Variants in LDLRAD3 observed in about 807,000 individuals in gnomAD.
LDLRAD3 encodes the protein low-density lipoprotein receptor class A domain-containing protein 3.
Under a neutral mutation model 29.4 loss-of-function variants are expected in LDLRAD3, and 20 were observed. The ratio of observed to expected loss-of-function variants is 0.68; its 90% confidence interval spans 0.48 to 0.99. The LOEUF is 0.99. LDLRAD3 is among the 50% of genes least tolerant of loss of function. LDLRAD3 has a pLI of 0.00. For synonymous variants in LDLRAD3, 157 were observed against 192.7 expected (o/e 0.81, Z 1.53); for missense variants, 420 against 454.3 (o/e 0.92, Z 0.69).
chr11:35,973,074 G>A (rs1038525704), intron 1 of LDLRAD3, among the ~76,000 whole-genome samples: 1 of 146,018 alleles, frequency 6.8e-6, no homozygotes, highest in Non-Finnish European at 1.5e-5. Flanking sequence ...AAAAAAAAAA[G>A]GGAGCACATA....
At chr11:35,978,751 G>A (rs1379894075) in intron 1 of LDLRAD3, among the ~76,000 whole-genome samples, 1 of 152,172 alleles carries the variant, frequency 6.6e-6, no homozygotes, top group Non-Finnish European at 1.5e-5. Context: ...TCAGCTCAAT[G>A]AAACATTAAA....
chr11:36,082,145 C>T lies in LDLRAD3; in HGVS notation c.319+367C>T, dbSNP rs573479697. On this transcript the variant is annotated intron_variant, in intron 3 of 5. Coordinates refer to ENST00000315571, the MANE Select transcript of LDLRAD3 (RefSeq NM_174902.4). ...AGAGCCATTTCTAGGTTCATTCAGACCCTCATCTGACTGATACAACACTTA... is the reference window on the plus strand; with the variant it reads ...AGAGCCATTTCTAGGTTCATTCAGATCCTCATCTGACTGATACAACACTTA... Among the ~76,000 whole-genome samples the T allele has an allele frequency of 1.2e-4, 19 of 152,312 alleles. No individual in the cohort carries two copies. The South Asian group carries it at 3.9e-3, about 32-fold the overall frequency.
chr11:35,993,997 T>C (rs1182949498), intron 1 of LDLRAD3, among the ~76,000 whole-genome samples: 1 of 152,094 alleles, frequency 6.6e-6, no homozygotes, highest in East Asian at 1.9e-4. Flanking sequence ...CTCCCACCCC[T>C]AAGGAATTCA....
At chr11:35,948,873 G>A (rs1424320604) in intron 1 of LDLRAD3, among the ~76,000 whole-genome samples, 5 of 152,118 alleles carry the variant, frequency 3.3e-5, no homozygotes, top group Non-Finnish European at 5.9e-5. Context: ...AGTTCTTGAT[G>A]CCTGTATTGG....
intron 4 of LDLRAD3, among the ~76,000 whole-genome samples, chr11:36,218,928 A>G (rs926000216): frequency 6.6e-6 from 1 of 152,246 alleles, no homozygotes; most frequent in Non-Finnish European, 1.5e-5. Flanking sequence ...AGCCAAGGAA[A>G]GATGCCCACA....
chr11:36,070,715 G>T (rs1165628803), intron 2 of LDLRAD3, among the ~76,000 whole-genome samples: 2 of 152,146 alleles, frequency 1.3e-5, no homozygotes, highest in Non-Finnish European at 2.9e-5. Context: ...ATTCCCCTAG[G>T]GGAGAGACTC....
intron 4 of LDLRAD3, among the ~76,000 whole-genome samples, chr11:36,144,897 T>G (rs1345017634): frequency 6.8e-5 from 5 of 73,360 alleles, no homozygotes; most frequent in Admixed American, 1.4e-4. Context: ...GTCCGGGAGG[T>G]GAGGGGCGCC....
intron 4 of LDLRAD3, among the ~76,000 whole-genome samples, chr11:36,151,879 A>T (rs1854283405): frequency 6.6e-6 from 1 of 152,180 alleles, no homozygotes; most frequent in African/African-American, 2.4e-5. Flanking sequence ...ACTACAAGGA[A>T]ATGCTAGATC....
chr11:35,991,450 G>A (rs1440184207), intron 1 of LDLRAD3, among the ~76,000 whole-genome samples: 1 of 151,940 alleles, frequency 6.6e-6, no homozygotes, highest in Admixed American at 6.6e-5. Context: ...AATTAATTGC[G>A]GCCAGCCAGG....
At chr11:36,080,938 G>T (rs1385469791) in intron 2 of LDLRAD3, among the ~76,000 whole-genome samples, 1 of 152,124 alleles carries the variant, frequency 6.6e-6, no homozygotes, top group Non-Finnish European at 1.5e-5. Flanking sequence ...GATCACGTAG[G>T]CACCCTCTGT....
In LDLRAD3 at chr11:36,227,311, C is replaced by T; in HGVS notation, c.681C>T (p.His227=). 6.2e-7 allele frequency: 1 copy of T among 1,614,158 alleles called. No homozygotes were observed. The highest frequency in any genetic ancestry group is 1.1e-5 in the South Asian group (1 of 91,078). The part of the protein sequence containing the change: ...LSRLVVLDHP[H]HCNVTYNVNN... ...GCCTGGTGGTCCTGGACCACCCCCACCACTGCAACGTCACCTACAACGTCA... is the reference window on the plus strand; with the variant it reads ...GCCTGGTGGTCCTGGACCACCCCCATCACTGCAACGTCACCTACAACGTCA... The change falls in exon 5 of 6, where the codon CAC becomes CAT. Residue 227 remains histidine (H), a synonymous_variant. Transcript: ENST00000315571.
chr11:36,127,949 C>T (rs1490103930), intron 4 of LDLRAD3, among the ~76,000 whole-genome samples: 1 of 151,594 alleles, frequency 6.6e-6, no homozygotes, highest in Non-Finnish European at 1.5e-5. Context: ...TAATGCCCTT[C>T]CAAAGATATA....
chr11:36,020,648 A>G (rs908979604), intron 1 of LDLRAD3, among the ~76,000 whole-genome samples: 2 of 152,152 alleles, frequency 1.3e-5, no homozygotes, highest in East Asian at 3.8e-4. Flanking sequence ...ATTATGGTAA[A>G]TGAAGAGATA....
At chr11:36,013,310 T>C (rs910151603) in intron 1 of LDLRAD3, among the ~76,000 whole-genome samples, 3 of 152,190 alleles carry the variant, frequency 2.0e-5, no homozygotes, top group Non-Finnish European at 4.4e-5. Context: ...TTTTTTTTAC[T>C]TTAAGTTCCG....
chr11:36,215,086 G>T (rs1308758614), intron 4 of LDLRAD3, among the ~76,000 whole-genome samples: 1 of 152,182 alleles, frequency 6.6e-6, no homozygotes, highest in Non-Finnish European at 1.5e-5. Context: ...GTAGAGTCTT[G>T]AATGGAATTG....
intron 1 of LDLRAD3, among the ~76,000 whole-genome samples, chr11:36,016,311 C>G (rs1421194550): frequency 6.6e-6 from 1 of 152,196 alleles, no homozygotes. Context: ...CCAAGTGATT[C>G]CTTGTTCAGT....
At chr11:36,180,395 C>A (rs1854741760) in intron 4 of LDLRAD3, among the ~76,000 whole-genome samples, 2 of 152,240 alleles carry the variant, frequency 1.3e-5, no homozygotes, top group South Asian at 4.1e-4. Context: ...ACTGGTTGTA[C>A]AGCAGTGAAT....
At chr11:36,046,939 C>A (rs1295797795) in intron 2 of LDLRAD3, among the ~76,000 whole-genome samples, 3 of 151,992 alleles carry the variant, frequency 2.0e-5, no homozygotes, top group African/African-American at 7.3e-5. Flanking sequence ...ACTCTTTTTT[C>A]TTCTATAATC....
chr11:36,146,024 GTTGGA>G (rs67741118), intron 4 of LDLRAD3, among the ~76,000 whole-genome samples: 9,819 of 136,756 alleles, frequency 0.072, 468 homozygotes, highest in East Asian at 0.24. Context: ...AAAAAAAAGT[GTTGGA>G]GGTTAGGACT....
Sources: allele counts gnomAD v4.1 joint callset (sites outside exome capture counted in the v4.1 genomes callset), GRCh38; gene constraint gnomAD v4.1.1; transcripts MANE v1.5; gene names NCBI Gene and HGNC (gene_info 2026-07-23, HGNC 2026-07-21).